The following SETD2 variants were observed in gnomAD, a reference collection of about 807,000 sequenced individuals.
SETD2 encodes histone-lysine N-methyltransferase SETD2.
A neutral mutation model predicts 242.1 loss-of-function variants in SETD2; 31 were observed. The ratio of observed to expected loss-of-function variants is 0.13; its 90% confidence interval spans 0.10 to 0.17. The LOEUF (loss-of-function observed/expected upper bound fraction) is 0.17. Ranked by LOEUF, SETD2 falls within the 10% of genes least tolerant of loss-of-function variation. The pLI, the probability that SETD2 is intolerant of heterozygous loss-of-function variation, is 1.00. For synonymous variants in SETD2, 1,006 were observed against 1,066.5 expected (o/e 0.94, Z 1.11); for missense variants, 2,481 against 3,046.3 (o/e 0.81, Z 4.37).
intron 12 of SETD2, among the ~76,000 whole-genome samples, chr3:47,076,668 T>C (rs2041091732): frequency 6.6e-6 from 1 of 152,200 alleles, no homozygotes; most frequent in Non-Finnish European, 1.5e-5. Context: ...ATAATTACAG[T>C]TGTATAGAAG....
chr3:47,117,261 C>CAAAAAAAAAAA (rs5848820), intron 3 of SETD2, among the ~76,000 whole-genome samples: 1 of 66,488 alleles, frequency 1.5e-5, no homozygotes, highest in Non-Finnish European at 3.0e-5. Flanking sequence ...CCTGCATTAC[C>CAAAAAAAAAAA]AAAAAAAAAA....
In SETD2 at chr3:47,042,187, C is replaced by A. The variant is rs561387137; in HGVS notation, c.7238+374G>T. 1.8e-4 allele frequency among the ~76,000 whole-genome samples: 27 copies of A among 152,246 alleles called. No homozygotes were observed. In the South Asian group the frequency reaches 2.3e-3, roughly 13 times the overall value. ...AGCCTGACCAACATACATGGTGAAA[C>A]CCCGTCTCCACTAAAAACACAAAAA... On this transcript the variant is annotated intron_variant, in intron 17 of 20. Transcript: ENST00000409792.
At chr3:47,075,379 G>A (rs976520187) in intron 12 of SETD2, among the ~76,000 whole-genome samples, 1 of 151,208 alleles carries the variant, frequency 6.6e-6, no homozygotes, top group Admixed American at 6.6e-5. Context: ...GACCAACATG[G>A]AGAATCCCCA....
rs2106685770 is a variant in SETD2 at position 47,122,724 on chromosome 3, A to C, written c.1912T>G (p.Ser638Ala). The C allele has an allele frequency of 6.2e-7, 1 of 1,611,366 alleles. No homozygotes were observed. The highest frequency in any genetic ancestry group is 1.7e-5 in the Admixed American group (1 of 59,410). Residue 638 changes from serine to alanine, a missense_variant, in exon 3 of 21, where the codon TCC becomes GCC. Around this residue, in one of 17 missense-constraint regions of SETD2, gnomAD observed 1,300 missense variants for 1,259.2 expected, o/e 1.03. Coordinates refer to ENST00000409792, the MANE Select transcript of SETD2 (RefSeq NM_014159.7). ...KKLDELPIFKSEFITHDSHDS... is the reference protein window; with the variant it reads ...KKLDELPIFKAEFITHDSHDS... ...TGGCTATCATGTGTTATAAATTCGGACTTAAAAATAGGCAATTCATCTAGC... is the reference window on the plus strand; with the variant it reads ...TGGCTATCATGTGTTATAAATTCGGCCTTAAAAATAGGCAATTCATCTAGC...
chr3:47,024,699 C>T (rs923630797), intron 18 of SETD2, among the ~76,000 whole-genome samples: 4 of 152,192 alleles, frequency 2.6e-5, no homozygotes, highest in Admixed American at 6.5e-5. Context: ...TCCCTCAATG[C>T]AACAAATACT....
chr3:47,113,725 G>C (rs1353802875), intron 5 of SETD2, 151 bp downstream of exon 5: 7 of 593,744 alleles, frequency 1.2e-5, no homozygotes, highest in Non-Finnish European at 1.9e-5. Context: ...TGTAGTTCCA[G>C]CTACTTGAGA....
At chr3:47,038,620 A>T (rs2039132095) in intron 17 of SETD2, among the ~76,000 whole-genome samples, 1 of 152,276 alleles carries the variant, frequency 6.6e-6, no homozygotes, top group South Asian at 2.1e-4. Context: ...TGTCTTAAAA[A>T]ACAAACAAAA....
chr3:47,094,445 A>C (rs1161618286), intron 9 of SETD2, among the ~76,000 whole-genome samples: 1 of 152,232 alleles, frequency 6.6e-6, no homozygotes, highest in Non-Finnish European at 1.5e-5. Flanking sequence ...TCTTCTTGTC[A>C]ACAGTTTATA....
At chr3:47,090,385 A>T (rs2041748989) in intron 9 of SETD2, among the ~76,000 whole-genome samples, 3 of 151,874 alleles carry the variant, frequency 2.0e-5, no homozygotes, top group South Asian at 2.1e-4. Context: ...ATGGATTATT[A>T]TTTTTTTATT....
At chr3:47,064,553 AC>A in intron 13 of SETD2, 1 of 290,528 alleles carries the variant, frequency 3.4e-6, no homozygotes, top group Non-Finnish European at 7.4e-6. Flanking sequence ...AAGGAATCAT[AC>A]CAACAGTTCA....
intron 18 of SETD2, among the ~76,000 whole-genome samples, chr3:47,034,147 A>G (rs1403419162): frequency 6.6e-6 from 1 of 152,142 alleles, no homozygotes; most frequent in Non-Finnish European, 1.5e-5. Context: ...CACTCTCATT[A>G]TTATTTGCGG....
chr3:47,147,521 C>A (rs865819637), intron 1 of SETD2, among the ~76,000 whole-genome samples: 3 of 151,382 alleles, frequency 2.0e-5, no homozygotes, highest in Non-Finnish European at 3.0e-5. Context: ...CAGGGTTTCA[C>A]CAGGCTGGTC....
intron 2 of SETD2, among the ~76,000 whole-genome samples, chr3:47,125,797 A>G (rs2043308250): frequency 6.6e-6 from 1 of 152,244 alleles, no homozygotes; most frequent in Non-Finnish European, 1.5e-5. Flanking sequence ...AGGTTGTACA[A>G]AGAGCATCAG....
chr3:47,101,669 T>C (rs1485947900), intron 7 of SETD2, 114 bp from the exon 8 acceptor site: 4 of 597,400 alleles, frequency 6.7e-6, no homozygotes, highest in Non-Finnish European at 1.2e-5. Flanking sequence ...CTGCCTTAAT[T>C]ATGCAAGTGG....
intron 8 of SETD2, 48 bp downstream of exon 8, chr3:47,101,410 G>T: frequency 1.0e-6 from 1 of 969,832 alleles, no homozygotes; most frequent in Non-Finnish European, 1.6e-6. Flanking sequence ...TATCTGAACA[G>T]CCTATTTCCC....
At chr3:47,073,520 A>T (rs1559691017) in intron 12 of SETD2, among the ~76,000 whole-genome samples, 1 of 152,150 alleles carries the variant, frequency 6.6e-6, no homozygotes, top group Non-Finnish European at 1.5e-5. Context: ...AATCACATAC[A>T]TGGGTGGGAA....
intron 4 of SETD2, among the ~76,000 whole-genome samples, chr3:47,114,504 C>A (rs1178155254): frequency 6.6e-6 from 1 of 152,036 alleles, no homozygotes; most frequent in Non-Finnish European, 1.5e-5. Flanking sequence ...CCCATGGATC[C>A]TAGAGTAAAA....
intron 10 of SETD2, among the ~76,000 whole-genome samples, chr3:47,087,803 A>C (rs921518462): frequency 6.6e-6 from 1 of 151,920 alleles, no homozygotes; most frequent in Non-Finnish European, 1.5e-5. Flanking sequence ...CCCATCTCTA[A>C]TAAGAAAATA....
chr3:47,018,272 T>TTTTC (rs1328935860), intron 19 of SETD2, among the ~76,000 whole-genome samples: 1 of 152,176 alleles, frequency 6.6e-6, no homozygotes, highest in African/African-American at 2.4e-5. Context: ...AGCAGAATCC[T>TTTTC]TTTCCTTCCA....
Sources: allele counts gnomAD v4.1 joint callset (sites outside exome capture counted in the v4.1 genomes callset), GRCh38; gene constraint gnomAD v4.1.1; regional missense constraint gnomAD v4.1.1; transcripts MANE v1.5; gene names NCBI Gene and HGNC (gene_info 2026-07-23, HGNC 2026-07-21).